Variants in SAMSN1 observed in about 807,000 individuals in gnomAD.
SAMSN1 encodes SAM domain-containing protein SAMSN-1.
In SAMSN1, 31 loss-of-function variants were observed where a neutral mutation model predicts 42.0. That is an observed-to-expected ratio of 0.74 (90% CI 0.55 to 1.00). The LOEUF (loss-of-function observed/expected upper bound fraction) is 1.00. SAMSN1 is among the 50% of genes least tolerant of loss of function. The pLI, the probability that SAMSN1 is intolerant of heterozygous loss-of-function variation, is 0.00. For missense variants in SAMSN1, 464 were observed against 439.4 expected, an observed-to-expected ratio of 1.06 and a Z score of -0.50; for synonymous variants, 178 against 151.9, an observed-to-expected ratio of 1.17 and a Z score of -1.26.
At chr21:14,517,688 T>G (rs1358460505) in intron 2 of SAMSN1, among the ~76,000 whole-genome samples, 2 of 152,318 alleles carry the variant, frequency 1.3e-5, no homozygotes, top group South Asian at 2.1e-4. Context: ...ACATCTTATT[T>G]GGACTGCTTC....
chr21:14,490,512 C>T (rs1381539081), intron 7 of SAMSN1, among the ~76,000 whole-genome samples: 4 of 152,156 alleles, frequency 2.6e-5, no homozygotes, highest in Non-Finnish European at 5.9e-5. Context: ...CCAGAGGCAG[C>T]GTTATCCAGG....
chr21:14,580,967 C>T (rs180932274), intron 2 of SAMSN1, among the ~76,000 whole-genome samples: 1 of 152,180 alleles, frequency 6.6e-6, no homozygotes, highest in African/African-American at 2.4e-5. Context: ...AAAAGTACCA[C>T]TCTTAAGTAC....
intron 2 of SAMSN1, among the ~76,000 whole-genome samples, chr21:14,552,633 G>T (rs1980637781): frequency 6.6e-6 from 1 of 152,070 alleles, no homozygotes; most frequent in South Asian, 2.1e-4. Context: ...ATGAATTTCT[G>T]TTGTTTGGAA....
intron 2 of SAMSN1, among the ~76,000 whole-genome samples, chr21:14,580,943 A>T (rs1387084113): frequency 6.6e-6 from 1 of 152,186 alleles, no homozygotes. Flanking sequence ...AGCAATTTAC[A>T]AGGAAATTGA....
chr21:14,622,479 A>G (rs185311679), intron 2 of SAMSN1, among the ~76,000 whole-genome samples: 34 of 152,368 alleles, frequency 2.2e-4, no homozygotes, highest in African/African-American at 7.7e-4. Flanking sequence ...ACGAATCCAC[A>G]AGTTTCAGTA....
chr21:14,621,136 G>A (rs560487193), intron 2 of SAMSN1, among the ~76,000 whole-genome samples: 8 of 152,324 alleles, frequency 5.3e-5, no homozygotes, highest in African/African-American at 1.4e-4. Flanking sequence ...TAGACATGTA[G>A]CAAAGAGGAT....
intron 2 of SAMSN1, among the ~76,000 whole-genome samples, chr21:14,559,192 G>T (rs764904545): frequency 6.6e-6 from 1 of 152,072 alleles, no homozygotes; most frequent in East Asian, 1.9e-4. Flanking sequence ...AAATATATAG[G>T]GGAAAAACAT....
chr21:14,641,392 C>T (rs1568840906), intron 2 of SAMSN1, among the ~76,000 whole-genome samples: 1 of 152,084 alleles, frequency 6.6e-6, no homozygotes, highest in Non-Finnish European at 1.5e-5. Context: ...ATTTTTAATG[C>T]ACCCAAAGAA....
intron 5 of SAMSN1, among the ~76,000 whole-genome samples, chr21:14,505,218 A>G (rs1987345703): frequency 6.6e-6 from 1 of 152,202 alleles, no homozygotes; most frequent in African/African-American, 2.4e-5. Flanking sequence ...ACAGGCAACA[A>G]ATAGCATGAT....
chr21:14,511,693 C>A (rs1367343773), intron 4 of SAMSN1, among the ~76,000 whole-genome samples: 1 of 152,104 alleles, frequency 6.6e-6, no homozygotes, highest in African/African-American at 2.4e-5. Context: ...AGTCTACATA[C>A]AAAAAGTCAT....
Position 14,582,290 on chromosome 21 carries a change from A to G in SAMSN1, c.107T>C (p.Met36Thr), listed in dbSNP as rs183385144. 8.8e-5 allele frequency: 137 copies of G among 1,550,814 alleles called. No homozygotes were observed. The African/African-American group carries it at 1.7e-3, about 20-fold the overall frequency. ...AGGAAAAGGCTTCCAGTGATGCCACATGTAAGCTTCACCTTCATACCAAGC... is the reference window on the plus strand; with the variant it reads ...AGGAAAAGGCTTCCAGTGATGCCACGTGTAAGCTTCACCTTCATACCAAGC... Residue 36 changes from methionine to threonine, a missense_variant, in exon 2 of 9, where the codon ATG (methionine) becomes ACG (threonine). Transcript: ENST00000285670.
At position 14,647,692 on chromosome 21, in the gene SAMSN1, G is replaced by T. The variant is rs372930377; in HGVS notation, c.25-4559C>A. Among the ~76,000 whole-genome samples, 42 of 136,314 alleles carry T rather than the reference G, an allele frequency of 3.1e-4. No individual in the cohort carries two copies. The East Asian group carries it at 5.5e-3, about 18-fold the overall frequency. The allele number at this position is 136,314 out of a possible 152,430, so 89.4% of individuals were successfully genotyped here. A position where few individuals can be genotyped will look rare whatever the true frequency, so the allele number is the denominator to read the frequency against. On this transcript the variant is annotated intron_variant, in intron 1 of 15. Transcript: ENST00000647101. ...ATTGGTTTGTAGTTCTCCTTGAAGA[G>T]GTCCTTCACATCCCTTGTAAGTTGG...
intron 2 of SAMSN1, among the ~76,000 whole-genome samples, chr21:14,637,743 A>AGTTTACAG (rs1223286045): frequency 1.3e-5 from 2 of 152,188 alleles, no homozygotes; most frequent in African/African-American, 4.8e-5. Flanking sequence ...ATCTATTAAC[A>AGTTTACAG]GTTTACAGGA....
chr21:14,491,055 G>A (rs1986663879), intron 7 of SAMSN1, among the ~76,000 whole-genome samples: 1 of 152,124 alleles, frequency 6.6e-6, no homozygotes, highest in Non-Finnish European at 1.5e-5. Flanking sequence ...GACTATTTTG[G>A]TAATGACCAA....
intron 2 of SAMSN1, among the ~76,000 whole-genome samples, chr21:14,567,407 C>G (rs1882919): frequency 1 from 152,296 of 152,296 alleles, 76,148 homozygotes; most frequent in Non-Finnish European, 1. Flanking sequence ...TAATTTAAAA[C>G]CATTTTGTAA....
chr21:14,593,239 G>A (rs1857478829), intron 7 of SAMSN1, among the ~76,000 whole-genome samples: 1 of 152,094 alleles, frequency 6.6e-6, no homozygotes, highest in Non-Finnish European at 1.5e-5. Flanking sequence ...GATTTACTAA[G>A]AGTAGTTATT....
chr21:14,500,505 C>A, intron 6 of SAMSN1, 24 bp downstream of exon 6: 1 of 1,604,116 alleles, frequency 6.2e-7, no homozygotes, highest in Non-Finnish European at 8.5e-7. Flanking sequence ...CTTCCAAAAG[C>A]AAACAGAACA....
chr21:14,528,126 T>G (rs1600898241), intron 1 of SAMSN1, among the ~76,000 whole-genome samples: 1 of 152,100 alleles, frequency 6.6e-6, no homozygotes, highest in Admixed American at 6.5e-5. Context: ...AAAAAGGAAA[T>G]GAAAAGCTTT....
chr21:14,616,435 G>T (rs987765764), intron 2 of SAMSN1, among the ~76,000 whole-genome samples: 1 of 152,090 alleles, frequency 6.6e-6, no homozygotes, highest in Admixed American at 6.6e-5. Context: ...TGTGTTAGTT[G>T]TATCATAGAG....
Sources: gnomAD v4.1 joint callset for allele counts (sites outside exome capture counted in the v4.1 genomes callset) on GRCh38, gnomAD v4.1.1 for gene constraint, MANE v1.5 for transcripts, NCBI Gene and HGNC (gene_info 2026-07-23, HGNC 2026-07-21) for gene names.